FBN3: variants seen among roughly 807,000 people sequenced by gnomAD.
The protein encoded by FBN3 is fibrillin 3, also known as fibrillin-3.
A neutral mutation model predicts 330.1 loss-of-function variants in FBN3; 234 were observed. The ratio of observed to expected loss-of-function variants is 0.71; its 90% confidence interval spans 0.64 to 0.79. The LOEUF (loss-of-function observed/expected upper bound fraction) is 0.79. FBN3 is among the 30% of genes least tolerant of loss of function. FBN3 has a pLI of 0.00. For missense variants in FBN3, 3,606 were observed against 3,886.9 expected (o/e 0.93, Z 1.92); for synonymous variants, 1,458 against 1,517.3 (o/e 0.96, Z 0.91).
At chr19:8,143,946 A>G (rs538908017) in intron 6 of FBN3, among the ~76,000 whole-genome samples, 10 of 151,862 alleles carry the variant, frequency 6.6e-5, no homozygotes, top group African/African-American at 9.7e-5. Context: ...GCCTGAGACT[A>G]CAGATATGCA....
chr19:8,118,033 C>T (rs1311829644), intron 26 of FBN3, among the ~76,000 whole-genome samples: 2 of 151,318 alleles, frequency 1.3e-5, no homozygotes, highest in African/African-American at 2.4e-5. Context: ...GACACACAAA[C>T]ACCCAATGCA....
At position 8,096,699 on chromosome 19, in the gene FBN3, G is replaced by T; in HGVS notation, c.5414-130C>A. 7.2e-7 allele frequency: 1 copy of T among 1,383,850 alleles called. No homozygotes were observed. Among genetic ancestry groups the T allele is most frequent in the Non-Finnish European group, 9.8e-7 (1 of 1,019,136 alleles). The allele number at this position is 1,383,850 out of a possible 1,614,324, so 85.7% of individuals were successfully genotyped here. A position where few individuals can be genotyped will look rare whatever the true frequency, so the allele number is the denominator to read the frequency against. On this transcript the variant is annotated intron_variant, in intron 43 of 63. Transcript: ENST00000600128. The surrounding 1 kb of genome is among the most constrained non-coding windows in gnomAD (Gnocchi z 4.6). ...CTCAAACTTCCACCAGGGGCGTCAGGCTGTCTGCATGGACCTGAGCTCTCA... is the reference window on the plus strand; with the variant it reads ...CTCAAACTTCCACCAGGGGCGTCAGTCTGTCTGCATGGACCTGAGCTCTCA...
chr19:8,117,689 A>G, intron 26 of FBN3, 100 bp from the exon 27 acceptor site: 1 of 1,366,062 alleles, frequency 7.3e-7, no homozygotes, highest in South Asian at 1.5e-5. Flanking sequence ...AGGAGCTCAC[A>G]CTGCCAGCAT....
chr19:8,107,582 T>G (rs2082474392), intron 37 of FBN3, among the ~76,000 whole-genome samples: 1 of 144,304 alleles, frequency 6.9e-6, no homozygotes, highest in East Asian at 2.1e-4. Context: ...GATGGATGGA[T>G]GGAGGGATGA....
At chr19:8,072,681 C>T (rs992184492) in intron 62 of FBN3, among the ~76,000 whole-genome samples, 1 of 151,652 alleles carries the variant, frequency 6.6e-6, no homozygotes, top group African/African-American at 2.4e-5. Flanking sequence ...GGGATGTGGG[C>T]ATGCATGAGC....
At chr19:8,145,636 TTGCCAC>T (rs1206194794) in intron 5 of FBN3, among the ~76,000 whole-genome samples, 1 of 146,210 alleles carries the variant, frequency 6.8e-6, no homozygotes, top group Non-Finnish European at 1.5e-5. Flanking sequence ...AGCCGAGATC[TTGCCAC>T]TGCACTCCAG....
rs1441464270 is a variant in FBN3, at chr19:8,130,592, GAAA to G, written c.2044+640_2044+642del. Among the ~76,000 whole-genome samples, 10 of 10,402 alleles carry G rather than the reference GAAA, an allele frequency of 9.6e-4. 1 individual carries two copies. Among genetic ancestry groups the G allele is most frequent in the African/African-American group, 7.2e-3 (10 of 1,380 alleles). The allele number at this position is 10,402 out of a possible 152,430, so 6.8% of individuals were successfully genotyped here. ...GGAAAGAAAGAAAGAATGAAAGAAA[GAAA>G]GAAAGAAAGAAAGAAAGAAAGAAAG... On this transcript the variant is annotated intron_variant, in intron 16 of 63. Coordinates refer to ENST00000600128, the MANE Select transcript of FBN3 (RefSeq NM_032447.5).
At chr19:8,073,015 G>A in intron 62 of FBN3, 48 bp downstream of exon 62, 1 of 1,215,042 alleles carries the variant, frequency 8.2e-7, no homozygotes, top group Non-Finnish European at 1.2e-6. Context: ...GTGCGTGCAT[G>A]GACGCTTGCG....
chr19:8,103,593 G>A lies in FBN3; in HGVS notation c.4908C>T (p.Tyr1636=), dbSNP rs562295440. 1.7e-4 allele frequency: 280 copies of A among 1,613,690 alleles called. 2 individuals carry two copies. In the South Asian group the frequency reaches 2.9e-3, roughly 17 times the overall value. The part of the protein sequence containing the change: ...GNYTCVCPAE[Y]LQVNGGNNCM... ...AGTTGTTGCCACCATTGACTTGGAGGTACTCTGCAGGGCAGACACAGGTGT... is the reference window on the plus strand; with the variant it reads ...AGTTGTTGCCACCATTGACTTGGAGATACTCTGCAGGGCAGACACAGGTGT... Residue 1636 remains tyrosine, a synonymous_variant, in exon 39 of 64, where the codon TAC becomes TAT. Coordinates refer to ENST00000600128, the MANE Select transcript of FBN3 (RefSeq NM_032447.5).
chr19:8,080,548 C>T (rs777050219), intron 59 of FBN3, among the ~76,000 whole-genome samples: 8 of 152,164 alleles, frequency 5.3e-5, no homozygotes, highest in East Asian at 1.9e-4. Context: ...CTCCAGGAAG[C>T]GAGCACTAAG....
At chr19:8,072,992 TGTGTGTGTGTGC>T in intron 62 of FBN3, 59 bp downstream of exon 62, 11 of 885,904 alleles carry the variant, frequency 1.2e-5, no homozygotes, top group South Asian at 1.5e-5. Flanking sequence ...TGTGTGTGTG[TGTGTGTGTGTGC>T]GTGCGTGCAT....
intron 27 of FBN3, 42 bp from the exon 28 acceptor site, chr19:8,117,333 G>A: frequency 6.5e-7 from 1 of 1,548,428 alleles, no homozygotes; most frequent in Non-Finnish European, 8.7e-7. Context: ...CTGGGGGGAG[G>A]GGTCCAGGAT....
intron 25 of FBN3, among the ~76,000 whole-genome samples, chr19:8,120,705 G>C (rs1466931668): frequency 1.3e-5 from 2 of 152,154 alleles, no homozygotes; most frequent in African/African-American, 4.8e-5. Context: ...TCGAACTCCT[G>C]GACTCAAGCA....
In FBN3 at chr19:8,122,676, C is replaced by T. The variant is rs2082880422; in HGVS notation, c.3082+788G>A. 2.8e-5 allele frequency among the ~76,000 whole-genome samples: 4 copies of T among 141,300 alleles called. No individual in the cohort carries two copies. In the East Asian group the frequency reaches 8.5e-4, roughly 30 times the overall value. The allele number at this position is 141,300 out of a possible 152,430, so 92.7% of individuals were successfully genotyped here. On this transcript the variant is annotated intron_variant, in intron 24 of 63. Coordinates refer to ENST00000600128, the MANE Select transcript of FBN3 (RefSeq NM_032447.5). ...TCCATCGCACCTGGCCCAGCGCCCCCTTTTTTTTTTGAGATGGAGTCTCTG... is the reference window on the plus strand; with the variant it reads ...TCCATCGCACCTGGCCCAGCGCCCCTTTTTTTTTTTGAGATGGAGTCTCTG...
chr19:8,074,786 C>A (rs1399542801), intron 61 of FBN3: 2 of 403,732 alleles, frequency 5.0e-6, no homozygotes, highest in Non-Finnish European at 8.9e-6. Flanking sequence ...TCACAGCACT[C>A]TTTCCCTGTG....
At chr19:8,074,961 TTTAGATAA>T in intron 61 of FBN3, 102 bp downstream of exon 61, 1 of 1,432,120 alleles carries the variant, frequency 7.0e-7, no homozygotes, top group Non-Finnish European at 9.4e-7. Context: ...CTGTTCAATC[TTTAGATAA>T]TTGTGCTTGT....
intron 56 of FBN3, among the ~76,000 whole-genome samples, chr19:8,083,985 A>G (rs893916299): frequency 4.0e-5 from 6 of 151,552 alleles, no homozygotes; most frequent in Middle Eastern, 6.8e-3. Context: ...TGTATTTTTA[A>G]TAGAGACAGG....
At position 8,075,107 on chromosome 19, in the gene FBN3, C is replaced by T; in HGVS notation, c.7666G>A (p.Gly2556Ser). ...GCCCACTGGGAGTGCTGGGTGAAAC[C>T]CTGGGGGCAGCTGCAGCGGTAGCCC... ...LGGYRCSCPQ[G>S]FTQHSQWAQC... is the part of the protein sequence containing the mutation. The change falls in exon 61 of 64, where the codon GGT becomes AGT. Residue 2556 changes from glycine to serine, a missense_variant. Coordinates refer to ENST00000600128, the MANE Select transcript of FBN3 (RefSeq NM_032447.5). The T allele has an allele frequency of 6.3e-7, 1 of 1,596,522 alleles. No homozygotes were observed. The highest frequency in any genetic ancestry group is 1.8e-5 in the Admixed American group (1 of 56,898).
chr19:8,147,336 C>A lies in FBN3; in HGVS notation c.145G>T (p.Gly49Cys). 6.3e-7 allele frequency: 1 copy of A among 1,598,398 alleles called. No individual in the cohort carries two copies. The highest frequency in any genetic ancestry group is 1.3e-5 in the African/African-American group (1 of 74,906). Residue 49 changes from glycine to cysteine, a missense_variant, in exon 2 of 64, where the codon GGC (glycine) becomes TGC (cysteine). Coordinates refer to ENST00000600128, the MANE Select transcript of FBN3 (RefSeq NM_032447.5). ...CACCCCTGCAAGATGCCTGGGCTGCCCCGCCTCCGCACACGTCCAGGACCT... is the reference window on the plus strand; with the variant it reads ...CACCCCTGCAAGATGCCTGGGCTGCACCGCCTCCGCACACGTCCAGGACCT... ...AAGPGRVRRRGSPGILQGPNV... is the reference protein window; with the variant it reads ...AAGPGRVRRRCSPGILQGPNV...
Sources: allele counts gnomAD v4.1 joint callset (sites outside exome capture counted in the v4.1 genomes callset), GRCh38; gene constraint gnomAD v4.1.1; non-coding constraint Gnocchi (gnomAD v3.1); transcripts MANE v1.5; gene names NCBI Gene and HGNC (gene_info 2026-07-23, HGNC 2026-07-21).